Variants in SLC44A5 observed in about 807,000 individuals in gnomAD.
SLC44A5 encodes solute carrier family 44 member 5, also known as choline transporter-like protein 5.
A neutral mutation model predicts 101.8 loss-of-function variants in SLC44A5; 57 were observed. The ratio of observed to expected loss-of-function variants is 0.56; its 90% CI spans 0.45 to 0.70. The LOEUF is 0.70. Among genes scored for constraint, SLC44A5 ranks in the 30% least tolerant of loss-of-function variants. SLC44A5 has a pLI of 0.00. For synonymous variants in SLC44A5, 281 were observed against 290.9 expected (o/e 0.97, Z 0.35); for missense variants, 737 against 853.1 (o/e 0.86, Z 1.70).
At chr1:75,516,330 A>C (rs1356395318) in intron 2 of SLC44A5, among the ~76,000 whole-genome samples, 1 of 151,878 alleles carries the variant, frequency 6.6e-6, no homozygotes, top group Admixed American at 6.6e-5. Flanking sequence ...CTGGCTAACA[A>C]GGTGAAACCC....
intron 2 of SLC44A5, among the ~76,000 whole-genome samples, chr1:75,523,351 C>G (rs1192321673): frequency 6.6e-6 from 1 of 152,098 alleles, no homozygotes; most frequent in South Asian, 2.1e-4. Context: ...TATGTTAGAT[C>G]CCCCAGGCTG....
chr1:75,713,614 A>G, the SLC44A5 span, among the ~76,000 whole-genome samples: 2 of 152,238 alleles, frequency 1.3e-5, no homozygotes, highest in African/African-American at 4.8e-5. Flanking sequence ...CTACTTTGCA[A>G]TGATGACTTC....
At chr1:75,680,991 C>G in the SLC44A5 span, among the ~76,000 whole-genome samples, 1 of 150,316 alleles carries the variant, frequency 6.7e-6, no homozygotes, top group African/African-American at 2.4e-5. Flanking sequence ...CACCTCTACG[C>G]AAATAAACTA....
the SLC44A5 span, among the ~76,000 whole-genome samples, chr1:75,642,861 T>C: frequency 6.6e-6 from 1 of 152,164 alleles, no homozygotes; most frequent in East Asian, 1.9e-4. Context: ...AAAGTTTTAA[T>C]ATTTGGTAAA....
chr1:75,371,922 C>T (rs1056284677), intron 3 of SLC44A5, among the ~76,000 whole-genome samples: 7 of 152,114 alleles, frequency 4.6e-5, no homozygotes, highest in African/African-American at 1.2e-4. Flanking sequence ...GGTAGCTGGG[C>T]GCAGTGGCTC....
At position 75,379,026 on chromosome 1, in the gene SLC44A5, C is replaced by T. The variant is rs375724199; in HGVS notation, c.52+17557G>A. Among the ~76,000 whole-genome samples, 18 of 79,758 alleles carry T rather than the reference C, an allele frequency of 2.3e-4. 4 individuals carry two copies. The highest frequency in any genetic ancestry group is 2.8e-4 in the Non-Finnish European group (13 of 47,080). The allele number at this position is 79,758 out of a possible 152,430, so 52.3% of individuals were successfully genotyped here. On this transcript the variant is annotated intron_variant, in intron 3 of 23. Coordinates refer to ENST00000370859, the MANE Select transcript of SLC44A5 (RefSeq NM_001130058.2). The stretch of plus-strand genomic sequence containing the variant: ...GATAAATCAAGAAAGGAAGGAGATA[C>T]TGAGGCATGGCAATTCCCAGTAACG...
At chr1:75,304,697 A>G (rs911072706) in intron 4 of SLC44A5, among the ~76,000 whole-genome samples, 1 of 152,162 alleles carries the variant, frequency 6.6e-6, no homozygotes, top group African/African-American at 2.4e-5. Context: ...ATCTAAGCTC[A>G]TGGCTGAAAA....
chr1:75,395,390 AC>A, intron 3 of SLC44A5, among the ~76,000 whole-genome samples: 1 of 152,150 alleles, frequency 6.6e-6, no homozygotes, highest in South Asian at 2.1e-4. Flanking sequence ...TTTTATTTCA[AC>A]CCCTGAGATT....
At chr1:75,700,665 A>C in the SLC44A5 span, among the ~76,000 whole-genome samples, 1 of 152,222 alleles carries the variant, frequency 6.6e-6, no homozygotes, top group Admixed American at 6.5e-5. Flanking sequence ...TCAGAGGAGA[A>C]CTGAAGGAAA....
At chr1:75,259,996 C>G (rs1164220337) in intron 6 of SLC44A5, among the ~76,000 whole-genome samples, 2 of 152,066 alleles carry the variant, frequency 1.3e-5, no homozygotes, top group African/African-American at 4.8e-5. Flanking sequence ...TTTGTCACCA[C>G]CAGGCCTGCC....
intron 20 of SLC44A5, among the ~76,000 whole-genome samples, chr1:75,214,253 C>A (rs576290909): frequency 1.3e-4 from 20 of 151,954 alleles, no homozygotes; most frequent in Non-Finnish European, 2.4e-4. Context: ...TATAGACACC[C>A]TGAGTCCTGA....
Position 75,515,051 on chromosome 1 carries a change from T to C in SLC44A5, c.13+26384A>G, listed in dbSNP as rs146753791. 5.8e-3 allele frequency among the ~76,000 whole-genome samples: 883 copies of C among 152,330 alleles called. 4 individuals carry two copies. Among genetic ancestry groups the C allele is most frequent in the African/African-American group, 0.02 (846 of 41,586 alleles). ...TTGCAGCATAACTTGAAAACCACAG[T>C]ATTAATGCAGTTCAGCTTATCATTC... On this transcript the variant is annotated intron_variant, in intron 2 of 23. Transcript: ENST00000370859.
chr1:75,400,761 C>G (rs1662428074), intron 2 of SLC44A5, among the ~76,000 whole-genome samples: 1 of 152,168 alleles, frequency 6.6e-6, no homozygotes, highest in Non-Finnish European at 1.5e-5. Flanking sequence ...ACCCTGAAGA[C>G]TGAATCCCAC....
chr1:75,668,315 CTTTTTTTT>C, the SLC44A5 span, among the ~76,000 whole-genome samples: 4 of 65,104 alleles, frequency 6.1e-5, no homozygotes, highest in East Asian at 5.3e-4. Flanking sequence ...TCCTAGGAGC[CTTTTTTTT>C]TTTTTTTTTT....
chr1:75,402,801 G>GT (rs1040388323), intron 2 of SLC44A5, among the ~76,000 whole-genome samples: 1 of 152,066 alleles, frequency 6.6e-6, no homozygotes, highest in Non-Finnish European at 1.5e-5. Context: ...AGCTGCAGGA[G>GT]TTTTTTTCAT....
intron 1 of SLC44A5, among the ~76,000 whole-genome samples, chr1:75,597,555 G>C (rs1423855640): frequency 6.6e-6 from 1 of 152,012 alleles, no homozygotes; most frequent in African/African-American, 2.4e-5. Flanking sequence ...CTATACTATA[G>C]GGCTGCAGTA....
intron 1 of SLC44A5, among the ~76,000 whole-genome samples, chr1:75,583,354 T>TG (rs1453630481): frequency 8.5e-5 from 13 of 152,156 alleles, no homozygotes; most frequent in Middle Eastern, 3.2e-3. Flanking sequence ...TGCAGATTCT[T>TG]GGGAGACTCT....
the SLC44A5 span, among the ~76,000 whole-genome samples, chr1:75,652,798 A>G: frequency 6.6e-6 from 1 of 152,186 alleles, no homozygotes; most frequent in African/African-American, 2.4e-5. Flanking sequence ...TGTCTCTCAA[A>G]AAAGAACAAA....
At chr1:75,315,299 G>A (rs1655607663) in intron 4 of SLC44A5, among the ~76,000 whole-genome samples, 2 of 151,936 alleles carry the variant, frequency 1.3e-5, no homozygotes, top group Admixed American at 1.3e-4. Context: ...AAAGCTTTAG[G>A]GCACAAATAA....
Sources: gnomAD v4.1 joint callset for allele counts (sites outside exome capture counted in the v4.1 genomes callset) on GRCh38, gnomAD v4.1.1 for gene constraint, MANE v1.5 for transcripts, NCBI Gene and HGNC (gene_info 2026-07-23, HGNC 2026-07-21) for gene names.